Variants in SYNPO2 observed in about 807,000 individuals in gnomAD.
SYNPO2 encodes synaptopodin 2.
A neutral mutation model predicts 85.0 loss-of-function variants in SYNPO2; 56 were observed. That is an observed-to-expected ratio of 0.66 (90% confidence interval 0.53 to 0.82). The LOEUF is 0.82. Among genes scored for constraint, SYNPO2 ranks in the 40% least tolerant of loss-of-function variants. The probability of loss-of-function intolerance (pLI) is 0.00; values close to 1 mark genes in which losing one functional copy is unlikely to be tolerated. For synonymous variants in SYNPO2, 602 were observed against 591.1 expected (o/e 1.02, Z -0.27); for missense variants, 1,575 against 1,534.2 (o/e 1.03, Z -0.44).
upstream of SYNPO2, among the ~76,000 whole-genome samples, chr4:118,887,153 C>T (rs1001260401): frequency 9.6e-5 from 14 of 145,082 alleles, no homozygotes; most frequent in Admixed American, 2.1e-4. Flanking sequence ...TCTAAATGGT[C>T]CCCATCTGAG....
chr4:118,863,583 T>C (rs1263988259), intron 1 of SYNPO2, among the ~76,000 whole-genome samples: 2 of 152,164 alleles, frequency 1.3e-5, no homozygotes, highest in African/African-American at 4.8e-5. Context: ...CAATTTTGCT[T>C]AACTTTTCAA....
intron 1 of SYNPO2, among the ~76,000 whole-genome samples, chr4:118,960,532 CT>C (rs1293728163): frequency 6.6e-6 from 1 of 152,010 alleles, no homozygotes; most frequent in Non-Finnish European, 1.5e-5. Flanking sequence ...TATCTAATCT[CT>C]CATCTTCAAA....
intron 3 of SYNPO2, among the ~76,000 whole-genome samples, chr4:119,029,544 C>T (rs974669541): frequency 1.3e-5 from 2 of 151,940 alleles, no homozygotes; most frequent in African/African-American, 4.8e-5. Context: ...TTGACATTTA[C>T]TAGCCAGTTT....
chr4:118,875,101 G>A (rs1265885054), intron 1 of SYNPO2, among the ~76,000 whole-genome samples: 3 of 152,266 alleles, frequency 2.0e-5, no homozygotes, highest in Admixed American at 6.5e-5. Context: ...AAGTGAGAAC[G>A]TGCGGTATTT....
At chr4:118,969,690 G>C (rs1735463045) in intron 1 of SYNPO2, among the ~76,000 whole-genome samples, 1 of 151,944 alleles carries the variant, frequency 6.6e-6, no homozygotes, top group African/African-American at 2.4e-5. Flanking sequence ...AGTCTTCTGG[G>C]GTTTTATTAA....
chr4:119,008,328 G>A (rs1308702978), intron 1 of SYNPO2, among the ~76,000 whole-genome samples: 1 of 152,072 alleles, frequency 6.6e-6, no homozygotes, highest in African/African-American at 2.4e-5. Context: ...CTAGAACACT[G>A]CCTGCTGCTG....
In SYNPO2 at chr4:119,057,780, C is replaced by T; in HGVS notation, c.3632C>T (p.Ser1211Phe). The change falls in exon 5 of 5, where the codon TCC (serine) becomes TTC (phenylalanine). Residue 1211 changes from serine (S) to phenylalanine (F), a missense_variant. This residue lies in a region of SYNPO2 where 1,508 missense variants were observed against 1,446.8 expected (regional missense o/e 1.04). Coordinates refer to ENST00000307142, the MANE Select transcript of SYNPO2 (RefSeq NM_133477.3). ...GCCAATAATAATATGTCCACCACCT[C>T]CCAATATGGTTCACAGTTGCCATAT... Reference protein sequence around the residue: ...VTANNNMSTTSQYGSQLPYAY... With the variant: ...VTANNNMSTTFQYGSQLPYAY... 6.2e-7 allele frequency: 1 copy of T among 1,614,046 alleles called. No individual in the cohort carries two copies. Among genetic ancestry groups the T allele is most frequent in the Middle Eastern group, 1.6e-4 (1 of 6,062 alleles).
intron 1 of SYNPO2, among the ~76,000 whole-genome samples, chr4:118,936,245 T>C (rs1449174278): frequency 2.0e-5 from 3 of 152,156 alleles, no homozygotes; most frequent in Non-Finnish European, 4.4e-5. Flanking sequence ...TCTCTGATGT[T>C]CGCCTAAGGG....
At position 119,027,151 on chromosome 4, in the gene SYNPO2, A is replaced by G. The variant is rs1484720881; in HGVS notation, c.782A>G (p.Gln261Arg). The G allele has an allele frequency of 2.5e-6, 4 of 1,614,104 alleles. No individual in the cohort carries two copies. The highest frequency in any genetic ancestry group is 1.3e-5 in the African/African-American group (1 of 74,942). Residue 261 changes from glutamine to arginine, a missense_variant, in exon 3 of 5, where the codon CAG becomes CGG. Physicochemically the swap from Gln to Arg is conservative, Grantham distance 43 (BLOSUM62 1). Transcript: ENST00000307142. ...TTCCTGAGGTCCAGCAAGATAATCC[A>G]GATCTCCAGTGGCAGAGAGTTGAGA... ...DPFLRSSKII[Q>R]ISSGRELRVI...
chr4:118,900,703 C>CTCTCTCTCTATATATATA (rs1277981772), intron 1 of SYNPO2, among the ~76,000 whole-genome samples: 47 of 43,852 alleles, frequency 1.1e-3, no homozygotes, highest in Non-Finnish European at 1.8e-3. Flanking sequence ...CTCTCTCTCT[C>CTCTCTCTCTATATATATA]TATATATATA....
chr4:119,024,493 G>A (rs1303838958), intron 2 of SYNPO2, among the ~76,000 whole-genome samples: 1 of 152,128 alleles, frequency 6.6e-6, no homozygotes, highest in East Asian at 1.9e-4. Context: ...GTATGATTCT[G>A]TTCCGGGATG....
intron 1 of SYNPO2, among the ~76,000 whole-genome samples, chr4:118,908,667 G>A (rs758812008): frequency 3.9e-5 from 6 of 151,904 alleles, no homozygotes; most frequent in Non-Finnish European, 7.4e-5. Flanking sequence ...ATTAAATTCT[G>A]GTATCTCTCT....
Position 118,966,194 on chromosome 4 carries a change from A to G in SYNPO2, c.106-57236A>G, listed in dbSNP as rs571076264. Among the ~76,000 whole-genome samples the G allele has an allele frequency of 1.2e-4, 18 of 152,306 alleles. 1 individual carries two copies. The South Asian group carries it at 3.7e-3, about 32-fold the overall frequency. ...GCAAAAGTTGGCAGCAAAATTCTCA[A>G]CCATTCATTTGAGTGGATAGAAAGA... On this transcript the variant is annotated intron_variant, in intron 1 of 4. Coordinates refer to ENST00000307142, the MANE Select transcript of SYNPO2 (RefSeq NM_133477.3).
At chr4:118,920,010 C>T (rs916835341) in intron 1 of SYNPO2, among the ~76,000 whole-genome samples, 26 of 152,100 alleles carry the variant, frequency 1.7e-4, no homozygotes, top group African/African-American at 6.3e-4. Flanking sequence ...GGATGAGAGA[C>T]TGAAGGCTGG....
intron 1 of SYNPO2, among the ~76,000 whole-genome samples, chr4:118,900,731 ATG>A (rs1207673087): frequency 3.0e-4 from 26 of 87,650 alleles, no homozygotes; most frequent in South Asian, 1.3e-3. Flanking sequence ...ATATATATAT[ATG>A]TCTGTCTGTC....
intron 1 of SYNPO2, among the ~76,000 whole-genome samples, chr4:118,876,989 A>G (rs1445742493): frequency 6.6e-6 from 1 of 150,982 alleles, no homozygotes; most frequent in African/African-American, 2.4e-5. Flanking sequence ...TTTTTCTTGT[A>G]GAGACAAGGT....
intron 1 of SYNPO2, among the ~76,000 whole-genome samples, chr4:118,905,318 A>G (rs189905435): frequency 1.3e-5 from 2 of 152,164 alleles, no homozygotes; most frequent in Admixed American, 6.5e-5. Flanking sequence ...CTTAATTGCC[A>G]TTCTTTCTTT....
chr4:118,980,178 T>G (rs1272413194), intron 1 of SYNPO2, among the ~76,000 whole-genome samples: 1 of 152,216 alleles, frequency 6.6e-6, no homozygotes, highest in Non-Finnish European at 1.5e-5. Flanking sequence ...TATAGTGTAG[T>G]AAAAACTTTT....
chr4:118,982,677 T>C (rs896925841), intron 1 of SYNPO2, among the ~76,000 whole-genome samples: 3 of 152,208 alleles, frequency 2.0e-5, no homozygotes, highest in Admixed American at 6.5e-5. Flanking sequence ...CTGATCAGCC[T>C]AGTATGCTAG....
Sources: allele counts gnomAD v4.1 joint callset (sites outside exome capture counted in the v4.1 genomes callset), GRCh38; gene constraint gnomAD v4.1.1; regional missense constraint gnomAD v4.1.1; transcripts MANE v1.5; gene names NCBI Gene and HGNC (gene_info 2026-07-23, HGNC 2026-07-21).